DEAF1: variants seen among roughly 807,000 people sequenced by gnomAD.
The protein encoded by DEAF1 is DEAF1 transcription factor.
In DEAF1, 53 loss-of-function variants were observed where a neutral mutation model predicts 58.9. That is an observed-to-expected ratio of 0.90 (90% CI 0.72 to 1.13). The LOEUF is 1.13. DEAF1 is among the 50% of genes most tolerant of loss of function. DEAF1 has a pLI of 0.00. For synonymous variants in DEAF1, 385 were observed against 340.4 expected (o/e 1.13, Z -1.44); for missense variants, 685 against 791.4 (o/e 0.87, Z 1.61).
At chr11:663,163 C>T (rs1387597109) in intron 10 of DEAF1, among the ~76,000 whole-genome samples, 1 of 152,158 alleles carries the variant, frequency 6.6e-6, no homozygotes, top group Non-Finnish European at 1.5e-5. Flanking sequence ...AACACAAAAC[C>T]TAGTTGAGCA....
chr11:698,323 C>A (rs1201537222), upstream of DEAF1, among the ~76,000 whole-genome samples: 4 of 152,108 alleles, frequency 2.6e-5, no homozygotes, highest in African/African-American at 9.7e-5. Context: ...GGGAGAAGGC[C>A]CAAGAGGTTG....
In DEAF1 at chr11:688,572, G is replaced by A. The variant is rs548011819; in HGVS notation, c.388-112C>T. ...GCTCTCTGGCTGTTCTCACCAAGAA[G>A]GGACGCTCACCTAGGCACCCCATAT... is the stretch of plus-strand genomic sequence containing the variant. On this transcript the variant is annotated intron_variant, in intron 2 of 11. Transcript: ENST00000382409. The surrounding 1 kb of genome is among the most constrained non-coding windows in gnomAD (Gnocchi z 4.3). 48 of 1,358,276 alleles carry A rather than the reference G, an allele frequency of 3.5e-5. No individual in the cohort carries two copies. In the South Asian group the frequency reaches 5.3e-4, roughly 15 times the overall value. 84.1% of individuals were successfully genotyped at this position (1,358,276 alleles called of 1,614,324 possible). A position where few individuals can be genotyped will look rare whatever the true frequency, so the allele number is the denominator to read the frequency against.
intron 1 of DEAF1, chr11:703,297 C>T: frequency 7.0e-7 from 1 of 1,428,268 alleles, no homozygotes; most frequent in Non-Finnish European, 9.2e-7. Flanking sequence ...TCTGTTCTGG[C>T]AGGAGTGGGA....
upstream of DEAF1, among the ~76,000 whole-genome samples, chr11:696,662 A>C (rs1402464811): frequency 7.0e-6 from 1 of 143,508 alleles, no homozygotes; most frequent in African/African-American, 2.6e-5. Context: ...GCTATTCTGG[A>C]GGCTGAGGCT....
chr11:690,484 C>A (rs182050467), intron 2 of DEAF1, among the ~76,000 whole-genome samples: 7 of 152,050 alleles, frequency 4.6e-5, no homozygotes, highest in African/African-American at 1.7e-4. Flanking sequence ...GTGGCTCACA[C>A]CTATAATCCT....
At chr11:668,320 C>T (rs1185268002) in intron 10 of DEAF1, among the ~76,000 whole-genome samples, 1 of 152,174 alleles carries the variant, frequency 6.6e-6, no homozygotes, top group Non-Finnish European at 1.5e-5. Context: ...GACCTAATGA[C>T]ATTACAGAAA....
chr11:689,202 CTTTTTTTT>C (rs34046317), intron 2 of DEAF1, among the ~76,000 whole-genome samples: 7 of 94,182 alleles, frequency 7.4e-5, no homozygotes, highest in South Asian at 7.4e-4. Context: ...TTTTCTTTTT[CTTTTTTTT>C]TTTTTTTTTT....
At position 702,313 on chromosome 11, in the gene DEAF1, G is replaced by A. The variant is rs1044287351; in HGVS notation, c.-438+4259C>T. ...GCACTGCTGGGAGGGTGCGAGCACC[G>A]CTGCGGCACAGAGGCCCGGTTCTTG... On this transcript the variant is annotated intron_variant, in intron 1 of 11. Coordinates refer to the DEAF1 transcript ENST00000683307. Among the ~76,000 whole-genome samples the A allele has an allele frequency of 6.6e-5, 10 of 152,248 alleles. No homozygotes were observed. The South Asian group carries it at 8.3e-4, about 13-fold the overall frequency.
At chr11:700,371 A>G in intron 1 of DEAF1, 1 of 851,458 alleles carries the variant, frequency 1.2e-6, no homozygotes. Flanking sequence ...TACTAAAAAC[A>G]CAAAAAGTAG....
In DEAF1 at chr11:655,691, C is replaced by T. The variant is rs568446761; in HGVS notation, c.1504-1640G>A. 2.2e-3 allele frequency among the ~76,000 whole-genome samples: 329 copies of T among 152,332 alleles called. 2 individuals carry two copies. Among genetic ancestry groups the T allele is most frequent in the Non-Finnish European group, 3.6e-3 (248 of 68,034 alleles). On this transcript the variant is annotated intron_variant, in intron 10 of 11. Transcript: ENST00000382409. ...TGTTCTGATGCTTGCCTCCCTCCTT[C>T]GCAAACGTGATCTTTAACATTTTTC...
At chr11:689,202 C>CTTTT (rs34046317) in intron 2 of DEAF1, among the ~76,000 whole-genome samples, 13 of 94,134 alleles carry the variant, frequency 1.4e-4, no homozygotes, top group South Asian at 3.7e-4. Flanking sequence ...TTTTCTTTTT[C>CTTTT]TTTTTTTTTT....
At chr11:677,625 A>C (rs1860136914) in intron 9 of DEAF1, among the ~76,000 whole-genome samples, 1 of 106,868 alleles carries the variant, frequency 9.4e-6, no homozygotes, top group Admixed American at 1.0e-4. Flanking sequence ...GGGAGGGTTC[A>C]ATCAATCATG....
At chr11:647,539 T>A (rs1858555806) in intron 11 of DEAF1, among the ~76,000 whole-genome samples, 1 of 152,044 alleles carries the variant, frequency 6.6e-6, no homozygotes, top group Admixed American at 6.6e-5. Flanking sequence ...AAAAATCCAA[T>A]TAAAACACAA....
chr11:685,796 A>G (rs985029505), intron 5 of DEAF1, among the ~76,000 whole-genome samples: 1 of 151,430 alleles, frequency 6.6e-6, no homozygotes, highest in African/African-American at 2.4e-5. Context: ...CGGGTGGCTC[A>G]CTTAAGGTCA....
intron 1 of DEAF1, chr11:700,748 G>C: frequency 6.6e-7 from 1 of 1,526,000 alleles, no homozygotes; most frequent in Non-Finnish European, 9.1e-7. Flanking sequence ...TGTCCTAAGA[G>C]TTGCTATCTG....
intron 10 of DEAF1, among the ~76,000 whole-genome samples, chr11:659,102 C>T (rs548683309): frequency 6.6e-6 from 1 of 151,918 alleles, no homozygotes; most frequent in African/African-American, 2.4e-5. Flanking sequence ...ACTTGAAAAC[C>T]TAGATACTGG....
At chr11:693,168 G>A (rs7118095) in intron 1 of DEAF1, among the ~76,000 whole-genome samples, 28,722 of 152,192 alleles carry the variant, frequency 0.19, 3,558 homozygotes, top group African/African-American at 0.36. Context: ...ACACACGTCA[G>A]CACATTTCTC....
chr11:656,645 G>A lies in DEAF1; in HGVS notation c.1504-2594C>T, dbSNP rs59228380. On this transcript the variant is annotated intron_variant, in intron 10 of 11. Transcript: ENST00000382409. Reference sequence around the variant, plus strand: ...CTGGCGGGAGCGTGGTCACTGTCCCGGGGAGCGGCCCCCACGCTGAGAAGG... The same window carrying A: ...CTGGCGGGAGCGTGGTCACTGTCCCAGGGAGCGGCCCCCACGCTGAGAAGG... 5.0e-3 allele frequency among the ~76,000 whole-genome samples: 755 copies of A among 152,328 alleles called. 5 individuals carry two copies. The highest frequency in any genetic ancestry group is 0.017 in the African/African-American group (722 of 41,580).
intron 8 of DEAF1, 139 bp from the exon 9 acceptor site, chr11:678,961 G>A: frequency 8.8e-7 from 1 of 1,142,694 alleles, no homozygotes; most frequent in South Asian, 1.5e-5. Flanking sequence ...CTGAAATGTG[G>A]TGATCCTGAA....
Sources: gnomAD v4.1 joint callset for allele counts (sites outside exome capture counted in the v4.1 genomes callset) on GRCh38, gnomAD v4.1.1 for gene constraint, Gnocchi (gnomAD v3.1) non-coding constraint, MANE v1.5 for transcripts, NCBI Gene and HGNC (gene_info 2026-07-23, HGNC 2026-07-21) for gene names.